Variants in VIT observed in about 807,000 individuals in gnomAD.
The protein encoded by VIT is vitrin.
VIT carries 99 observed loss-of-function variants against 78.0 expected under a neutral mutation model. That is an observed-to-expected ratio of 1.27 (90% confidence interval 1.08 to 1.50). The LOEUF (loss-of-function observed/expected upper bound fraction) is 1.50, where lower values mean the gene tolerates loss of function less well. Among genes scored for constraint, VIT ranks in the 40% most tolerant of loss-of-function variants. VIT has a pLI of 0.00. For synonymous variants in VIT, 374 were observed against 334.3 expected (o/e 1.12, Z -1.29); for missense variants, 1,126 against 875.3 (o/e 1.29, Z -3.61).
chr2:36,717,170 C>A (rs192817252), intron 2 of VIT, among the ~76,000 whole-genome samples: 9 of 148,968 alleles, frequency 6.0e-5, no homozygotes, highest in African/African-American at 2.2e-4. Flanking sequence ...CCACCACGCC[C>A]GGCCAGAGAT....
At chr2:36,727,555 A>G (rs763392943) in intron 2 of VIT, among the ~76,000 whole-genome samples, 2 of 152,222 alleles carry the variant, frequency 1.3e-5, no homozygotes, top group Non-Finnish European at 2.9e-5. Context: ...GGTGTGGTCA[A>G]ATTTAAACAC....
intron 5 of VIT, 54 bp from the exon 6 acceptor site, chr2:36,758,915 C>A: frequency 6.6e-7 from 1 of 1,517,178 alleles, no homozygotes; most frequent in Non-Finnish European, 9.1e-7. Flanking sequence ...ACAGAACCAT[C>A]TAAAACCTCT....
intron 12 of VIT, among the ~76,000 whole-genome samples, chr2:36,790,641 C>A (rs1665424834): frequency 6.6e-6 from 1 of 152,194 alleles, no homozygotes; most frequent in Non-Finnish European, 1.5e-5. Context: ...CAGCTAAATG[C>A]ATGACTGGGG....
chr2:36,759,013 T>A lies in VIT; in HGVS notation c.454T>A (p.Tyr152Asn). Residue 152 changes from tyrosine to asparagine, a missense_variant, in exon 6 of 16, where the codon TAC becomes AAC. By Grantham distance (143) the Tyr-to-Asn change is moderately radical. Transcript: ENST00000379242. ...TGTAACCTACCCATCAGCTCTTACATACTCATCATCGAAAAGTCCAGCTGC... is the reference window on the plus strand; with the variant it reads ...TGTAACCTACCCATCAGCTCTTACAAACTCATCATCGAAAAGTCCAGCTGC... Reference protein sequence around the residue: ...KGVTYPSALTYSSSKSPAAQA... With the variant: ...KGVTYPSALTNSSSKSPAAQA... 2.5e-6 allele frequency: 4 copies of A among 1,614,130 alleles called. No individual in the cohort carries two copies. The highest frequency in any genetic ancestry group is 3.4e-6 in the Non-Finnish European group (4 of 1,180,012).
intron 6 of VIT, among the ~76,000 whole-genome samples, chr2:36,765,388 G>T (rs1669359193): frequency 6.7e-6 from 1 of 149,676 alleles, no homozygotes; most frequent in African/African-American, 2.5e-5. Flanking sequence ...AGAAGGGGAA[G>T]CAGGCATGTC....
intron 6 of VIT, 73 bp downstream of exon 6, chr2:36,759,119 G>C (rs199675772): frequency 1.2e-6 from 2 of 1,614,072 alleles, no homozygotes; most frequent in Non-Finnish European, 8.5e-7. Flanking sequence ...GGAGATAGCG[G>C]AGAAATTAAC....
rs543650771 is a variant in VIT at position 36,701,901 on chromosome 2, C to T, written c.-19+4928C>T. Reference sequence around the variant, plus strand: ...GAGCAAATATTTTTTGGGCCACCTCCATGTGCTATTCCCAATCCCATGTTC... The same window carrying T: ...GAGCAAATATTTTTTGGGCCACCTCTATGTGCTATTCCCAATCCCATGTTC... On this transcript the variant is annotated intron_variant, in intron 1 of 15. Coordinates refer to ENST00000379242, the MANE Select transcript of VIT (RefSeq NM_053276.4). 1.3e-4 allele frequency among the ~76,000 whole-genome samples: 20 copies of T among 152,306 alleles called. No individual in the cohort carries two copies. The East Asian group carries it at 1.5e-3, about 12-fold the overall frequency.
chr2:36,785,214 A>G (rs375007116), intron 11 of VIT, among the ~76,000 whole-genome samples: 60 of 152,188 alleles, frequency 3.9e-4, no homozygotes, highest in African/African-American at 1.3e-3. Flanking sequence ...GGGAAACTCC[A>G]CCTCAGGATT....
At position 36,742,976 on chromosome 2, in the gene VIT, G is replaced by T. The variant is rs978436252; in HGVS notation, c.119-124G>T. On this transcript the variant is annotated intron_variant, in intron 3 of 15. Transcript: ENST00000379242. ...CATCTTTGCTTTCATTATAGGGAGG[G>T]GATGTAGAGTCGGCCCAGGCTCTGG... The T allele has an allele frequency of 2.0e-5, 23 of 1,169,742 alleles. No individual in the cohort carries two copies. In the African/African-American group the frequency reaches 3.4e-4, roughly 17 times the overall value. The allele number at this position is 1,169,742 out of a possible 1,614,324, so 72.5% of individuals were successfully genotyped here.
At chr2:36,765,427 GA>G (rs1669366651) in intron 6 of VIT, among the ~76,000 whole-genome samples, 1 of 105,918 alleles carries the variant, frequency 9.4e-6, no homozygotes, top group African/African-American at 3.2e-5. Flanking sequence ...GAGAGAGAGA[GA>G]GAGAGAAAGA....
chr2:36,780,567 C>G (rs550500806), intron 9 of VIT, among the ~76,000 whole-genome samples: 1 of 152,268 alleles, frequency 6.6e-6, no homozygotes, highest in South Asian at 2.1e-4. Flanking sequence ...GGGTATGTGA[C>G]TAGCTCAAGG....
At chr2:36,728,361 C>T (rs1666982123) in intron 2 of VIT, among the ~76,000 whole-genome samples, 1 of 151,732 alleles carries the variant, frequency 6.6e-6, no homozygotes, top group African/African-American at 2.4e-5. Context: ...TAGAAAAAAG[C>T]TTATGGAATA....
chr2:36,744,150 A>G (rs1191852946), intron 4 of VIT, among the ~76,000 whole-genome samples: 3 of 152,170 alleles, frequency 2.0e-5, no homozygotes, highest in African/African-American at 4.8e-5. Context: ...GCTCTTTTTT[A>G]TGGCTGCATA....
intron 9 of VIT, among the ~76,000 whole-genome samples, chr2:36,778,204 C>G (rs1670185578): frequency 6.6e-6 from 1 of 152,224 alleles, no homozygotes; most frequent in South Asian, 2.1e-4. Flanking sequence ...TTTTCAAATT[C>G]TAGAATTATG....
intron 9 of VIT, among the ~76,000 whole-genome samples, chr2:36,777,674 C>T (rs986779946): frequency 1.3e-5 from 2 of 152,178 alleles, no homozygotes; most frequent in African/African-American, 4.8e-5. Context: ...CACCTCAATC[C>T]TGTCTAGACA....
intron 11 of VIT, 51 bp downstream of exon 11, chr2:36,783,453 C>T (rs755395412): frequency 6.4e-6 from 10 of 1,571,572 alleles, no homozygotes; most frequent in Non-Finnish European, 8.7e-6. Flanking sequence ...ATCTGAACTG[C>T]TCTCTCCTCT....
At chr2:36,806,713 G>GT (rs1666756468) in intron 14 of VIT, among the ~76,000 whole-genome samples, 1 of 151,828 alleles carries the variant, frequency 6.6e-6, no homozygotes, top group Non-Finnish European at 1.5e-5. Context: ...CGCCCAGCTA[G>GT]TTTTTTTATT....
intron 8 of VIT, 137 bp from the exon 9 acceptor site, chr2:36,774,865 G>T: frequency 6.8e-7 from 1 of 1,470,924 alleles, no homozygotes. Flanking sequence ...ACCCCCAGAA[G>T]TACAACCAGG....
Position 36,728,541 on chromosome 2 carries a change from C to T in VIT, c.53-885C>T, listed in dbSNP as rs1175446961. Among the ~76,000 whole-genome samples the T allele has an allele frequency of 3.1e-4, 9 of 29,500 alleles. 2 individuals are homozygous for T. Among genetic ancestry groups the T allele is most frequent in the South Asian group, 2.1e-3 (2 of 958 alleles). 19.4% of individuals were successfully genotyped at this position (29,500 alleles called of 152,430 possible). On this transcript the variant is annotated intron_variant, in intron 2 of 15. Transcript: ENST00000379242. ...TTAAAGAAAAAATATTGGCCGGGCG[C>T]GGTGGCTCACGCCTGTAATCCCAGC...
Sources: allele counts gnomAD v4.1 joint callset (sites outside exome capture counted in the v4.1 genomes callset), GRCh38; gene constraint gnomAD v4.1.1; transcripts MANE v1.5; gene names NCBI Gene and HGNC (gene_info 2026-07-23, HGNC 2026-07-21).